The following SGCZ variants were observed in gnomAD, a reference collection of about 807,000 sequenced individuals.
The protein encoded by SGCZ is sarcoglycan zeta, also known as zeta-sarcoglycan.
SGCZ carries 40 observed loss-of-function variants against 41.3 expected under a neutral mutation model. That is an observed-to-expected ratio of 0.97 (90% CI 0.75 to 1.26). The LOEUF is 1.26. Among genes scored for constraint, SGCZ ranks in the 50% most tolerant of loss-of-function variants. The probability of loss-of-function intolerance (pLI) is 0.00; values close to 1 mark genes in which losing one functional copy is unlikely to be tolerated. For missense variants in SGCZ, 552 were observed against 369.8 expected (o/e 1.49, Z -4.04); for synonymous variants, 206 against 137.5 (o/e 1.50, Z -3.49).
In SGCZ at chr8:14,349,489, T is replaced by A. The variant is rs200570285; in HGVS notation, c.235-25285A>T. ...CTAACTAATTCTTGCCATGGAATTT[T>A]CGTAAGCAATAAGGCATGTGTCAAT... On this transcript the variant is annotated intron_variant, in intron 2 of 7. Transcript: ENST00000382080. 6.0e-5 allele frequency among the ~76,000 whole-genome samples: 4 copies of A among 66,474 alleles called. No individual in the cohort carries two copies. In the South Asian group the frequency reaches 1.2e-3, roughly 19 times the overall value. 43.6% of individuals were successfully genotyped at this position (66,474 alleles called of 152,430 possible).
chr8:15,018,473 T>G (rs902633342), intron 1 of SGCZ, among the ~76,000 whole-genome samples: 1 of 151,828 alleles, frequency 6.6e-6, no homozygotes, highest in African/African-American at 2.4e-5. Flanking sequence ...TCTGAGGAGG[T>G]GATATTTAAG....
At chr8:14,474,929 T>C (rs1585564052) in intron 2 of SGCZ, among the ~76,000 whole-genome samples, 1 of 152,210 alleles carries the variant, frequency 6.6e-6, no homozygotes, top group Admixed American at 6.5e-5. Flanking sequence ...AGCCATTCTT[T>C]GGATGTCTTT....
At chr8:14,408,245 G>A (rs189853169) in intron 2 of SGCZ, among the ~76,000 whole-genome samples, 2 of 152,256 alleles carry the variant, frequency 1.3e-5, no homozygotes, top group Non-Finnish European at 2.9e-5. Context: ...TGTATTTGCA[G>A]TTTTGGTCTT....
At chr8:14,156,856 G>A (rs1439824009) in intron 5 of SGCZ, among the ~76,000 whole-genome samples, 1 of 152,140 alleles carries the variant, frequency 6.6e-6, no homozygotes, top group Non-Finnish European at 1.5e-5. Context: ...AGATGAAGCT[G>A]TCATCCCCTA....
intron 2 of SGCZ, among the ~76,000 whole-genome samples, chr8:14,525,545 T>TTA (rs776501544): frequency 6.6e-6 from 1 of 152,122 alleles, no homozygotes; most frequent in Non-Finnish European, 1.5e-5. Flanking sequence ...ATGAGAAAGA[T>TTA]TATATATTTC....
At chr8:14,564,272 G>T (rs1045182107) in intron 1 of SGCZ, among the ~76,000 whole-genome samples, 1 of 152,280 alleles carries the variant, frequency 6.6e-6, no homozygotes, top group East Asian at 1.9e-4. Flanking sequence ...GATATTCCAG[G>T]AGAAGTGGTA....
intron 5 of SGCZ, among the ~76,000 whole-genome samples, chr8:14,111,801 G>T (rs1479238165): frequency 8.5e-5 from 13 of 152,174 alleles, no homozygotes; most frequent in Admixed American, 8.5e-4. Flanking sequence ...TTGCCGGAAA[G>T]GAGAAAAGGC....
chr8:14,335,174 T>C (rs1169010314), intron 2 of SGCZ, among the ~76,000 whole-genome samples: 1 of 152,166 alleles, frequency 6.6e-6, no homozygotes, highest in Non-Finnish European at 1.5e-5. Flanking sequence ...ATTTAGGATG[T>C]GCTTTATTGA....
chr8:14,853,926 C>G (rs1803443101), intron 1 of SGCZ, among the ~76,000 whole-genome samples: 1 of 150,590 alleles, frequency 6.6e-6, no homozygotes, highest in African/African-American at 2.4e-5. Flanking sequence ...AAATACACAC[C>G]TTTCAAGGAT....
chr8:15,163,343 G>A (rs955050333), intron 1 of SGCZ, among the ~76,000 whole-genome samples: 1 of 152,206 alleles, frequency 6.6e-6, no homozygotes, highest in South Asian at 2.1e-4. Context: ...TAACTACTAA[G>A]TAGGAGATCC....
At chr8:15,160,178 C>T (rs192779966) in intron 1 of SGCZ, among the ~76,000 whole-genome samples, 2 of 152,214 alleles carry the variant, frequency 1.3e-5, no homozygotes, top group East Asian at 1.9e-4. Context: ...CTCTGTGAAT[C>T]TGACTACTCT....
chr8:14,413,768 CA>C (rs1195616979), intron 2 of SGCZ, among the ~76,000 whole-genome samples: 1 of 151,936 alleles, frequency 6.6e-6, no homozygotes, highest in East Asian at 1.9e-4. Flanking sequence ...AAAACACACC[CA>C]CATTCTAACG....
chr8:15,057,821 G>A (rs921974019), intron 1 of SGCZ, among the ~76,000 whole-genome samples: 3 of 151,974 alleles, frequency 2.0e-5, no homozygotes, highest in African/African-American at 4.8e-5. Context: ...GCCCTAAAAC[G>A]TTATGAATTT....
At chr8:15,219,066 G>C (rs899000138) in intron 1 of SGCZ, among the ~76,000 whole-genome samples, 1 of 152,104 alleles carries the variant, frequency 6.6e-6, no homozygotes, top group Non-Finnish European at 1.5e-5. Flanking sequence ...TCCACGATTA[G>C]GAAGATAAAG....
intron 1 of SGCZ, among the ~76,000 whole-genome samples, chr8:15,033,658 C>T (rs1256588621): frequency 1.3e-5 from 2 of 152,128 alleles, no homozygotes; most frequent in African/African-American, 2.4e-5. Flanking sequence ...CCAGACGCAT[C>T]CCAGTGGACC....
intron 1 of SGCZ, among the ~76,000 whole-genome samples, chr8:14,813,733 C>G (rs771375306): frequency 1.4e-4 from 22 of 152,166 alleles, no homozygotes; most frequent in Non-Finnish European, 2.8e-4. Flanking sequence ...GGGCAGATCA[C>G]CTGAGTTCAA....
chr8:15,150,584 C>A (rs965957847), intron 1 of SGCZ, among the ~76,000 whole-genome samples: 1 of 152,144 alleles, frequency 6.6e-6, no homozygotes, highest in African/African-American at 2.4e-5. Context: ...AAGTCGGTCC[C>A]TGTTGATACT....
At chr8:14,673,793 G>C (rs12674600) in intron 1 of SGCZ, among the ~76,000 whole-genome samples, 85,580 of 151,936 alleles carry the variant, frequency 0.56, 25,545 homozygotes, top group East Asian at 0.78. Flanking sequence ...TCTGATGCCC[G>C]ATGTAGATGC....
At chr8:15,147,119 C>T (rs1444745881) in intron 1 of SGCZ, among the ~76,000 whole-genome samples, 2 of 152,014 alleles carry the variant, frequency 1.3e-5, no homozygotes, top group Non-Finnish European at 2.9e-5. Flanking sequence ...GTTAATTATC[C>T]AAGCAGTATA....
Sources: gnomAD v4.1 joint callset for allele counts (sites outside exome capture counted in the v4.1 genomes callset) on GRCh38, gnomAD v4.1.1 for gene constraint, MANE v1.5 for transcripts, NCBI Gene and HGNC (gene_info 2026-07-23, HGNC 2026-07-21) for gene names.